The following LTBP1 variants were observed in gnomAD, a reference collection of about 807,000 sequenced individuals.
The protein encoded by LTBP1 is latent-transforming growth factor beta-binding protein 1.
A neutral mutation model predicts 207.6 loss-of-function variants in LTBP1; 129 were observed. The ratio of observed to expected loss-of-function variants is 0.62; its 90% CI spans 0.54 to 0.72. The LOEUF (loss-of-function observed/expected upper bound fraction) is 0.72. Among genes scored for constraint, LTBP1 ranks in the 30% least tolerant of loss-of-function variants. LTBP1 has a pLI of 0.00. For synonymous variants in LTBP1, 963 were observed against 833.7 expected, an observed-to-expected ratio of 1.16 and a Z score of -2.67; for missense variants, 2,281 against 2,217.2, an observed-to-expected ratio of 1.03 and a Z score of -0.58.
intron 3 of LTBP1, among the ~76,000 whole-genome samples, chr2:33,073,886 C>T (rs752594240): frequency 3.9e-5 from 6 of 152,216 alleles, no homozygotes; most frequent in Non-Finnish European, 8.8e-5. Flanking sequence ...CTCGGCCTCC[C>T]GAAGTGCTGG....
At position 33,252,665 on chromosome 2, in the gene LTBP1, T is replaced by C; in HGVS notation, c.2000-12T>C. The C allele has an allele frequency of 6.2e-7, 1 of 1,600,714 alleles. No homozygotes were observed. The highest frequency in any genetic ancestry group is 8.5e-7 in the Non-Finnish European group (1 of 1,170,468). On this transcript the variant is annotated splice_polypyrimidine_tract_variant and intron_variant, in intron 10 of 33. Coordinates refer to ENST00000404816, the MANE Select transcript of LTBP1 (RefSeq NM_206943.4). Reference sequence around the variant, plus strand: ...TTCTCATGTAATGTCGGGCTTTATCTCTCTGCTTCAGCTGATCCCCCTGTG... The same window carrying C: ...TTCTCATGTAATGTCGGGCTTTATCCCTCTGCTTCAGCTGATCCCCCTGTG...
chr2:33,137,576 T>G (rs6705263), intron 5 of LTBP1, among the ~76,000 whole-genome samples: 82,099 of 152,102 alleles, frequency 0.54, 22,940 homozygotes, highest in East Asian at 0.94. Context: ...GAATTTGGCT[T>G]GAGTGCCATT....
At chr2:33,368,385 A>G (rs144488203) in intron 31 of LTBP1, among the ~76,000 whole-genome samples, 89 of 152,278 alleles carry the variant, frequency 5.8e-4, no homozygotes, top group Non-Finnish European at 1.1e-3. Flanking sequence ...GGTTGATTCT[A>G]TCTCTTTGCT....
chr2:33,009,612 C>T (rs1687397577), intron 2 of LTBP1, among the ~76,000 whole-genome samples: 1 of 152,316 alleles, frequency 6.6e-6, no homozygotes, highest in South Asian at 2.1e-4. Context: ...GATTATCTTT[C>T]AGTCCTCAGG....
At chr2:33,360,538 G>A in intron 26 of LTBP1, 59 bp from the exon 27 acceptor site, 1 of 1,101,126 alleles carries the variant, frequency 9.1e-7, no homozygotes, top group South Asian at 1.4e-5. Flanking sequence ...TTCTCTACTT[G>A]TTGTCTTAGG....
At chr2:33,005,858 A>G (rs1035590558) in intron 2 of LTBP1, among the ~76,000 whole-genome samples, 1 of 152,100 alleles carries the variant, frequency 6.6e-6, no homozygotes, top group African/African-American at 2.4e-5. Flanking sequence ...GACTGTTAGG[A>G]TTACAGGCGT....
At chr2:33,388,231 A>G (rs1281816322) in intron 31 of LTBP1, among the ~76,000 whole-genome samples, 1 of 152,172 alleles carries the variant, frequency 6.6e-6, no homozygotes, top group East Asian at 1.9e-4. Flanking sequence ...AGGGGAGTCT[A>G]GGAGTCAGGG....
intron 2 of LTBP1, among the ~76,000 whole-genome samples, chr2:32,971,474 A>G (rs892568861): frequency 6.6e-6 from 1 of 151,906 alleles, no homozygotes; most frequent in Non-Finnish European, 1.5e-5. Flanking sequence ...TTCCATGCCT[A>G]GTTTATTGAG....
At chr2:33,236,027 G>C (rs924761570) in intron 9 of LTBP1, among the ~76,000 whole-genome samples, 2 of 152,098 alleles carry the variant, frequency 1.3e-5, no homozygotes, top group East Asian at 3.8e-4. Flanking sequence ...CATTCTGCAC[G>C]TGTATCCAAG....
At chr2:33,397,668 C>A (rs546685194) in intron 33 of LTBP1, among the ~76,000 whole-genome samples, 1 of 136,730 alleles carries the variant, frequency 7.3e-6, no homozygotes, top group Non-Finnish European at 1.6e-5. Flanking sequence ...CCACCACACC[C>A]GGCTAATTTT....
chr2:33,152,347 A>G (rs2083608506), intron 5 of LTBP1, among the ~76,000 whole-genome samples: 1 of 152,214 alleles, frequency 6.6e-6, no homozygotes, highest in South Asian at 2.1e-4. Context: ...AGGGAAATGC[A>G]AATCAAAACT....
chr2:33,276,228 C>T (rs151188177), intron 18 of LTBP1, among the ~76,000 whole-genome samples: 5 of 152,262 alleles, frequency 3.3e-5, no homozygotes, highest in Admixed American at 1.3e-4. Context: ...TTACAGAGTC[C>T]GGACCATTCA....
chr2:33,170,058 A>C (rs2085277572), intron 5 of LTBP1, among the ~76,000 whole-genome samples: 1 of 152,228 alleles, frequency 6.6e-6, no homozygotes, highest in Non-Finnish European at 1.5e-5. Flanking sequence ...TCTGGTCCAC[A>C]GCTCCCAGCG....
rs149812744 is a variant in LTBP1, at chr2:33,320,651, C to T, written c.3730+5382C>T. On this transcript the variant is annotated intron_variant, in intron 24 of 33. Coordinates refer to ENST00000404816, the MANE Select transcript of LTBP1 (RefSeq NM_206943.4). ...AGGTAAGGGAGCATGAGATGGCAGC[C>T]GAGGACTTTCTTGCAGCTGTCAACA... 1.3e-4 allele frequency among the ~76,000 whole-genome samples: 20 copies of T among 152,170 alleles called. No individual in the cohort carries two copies. In the East Asian group the frequency reaches 2.9e-3, roughly 22 times the overall value.
chr2:33,344,061 A>G (rs2094668346), intron 25 of LTBP1, among the ~76,000 whole-genome samples: 1 of 152,226 alleles, frequency 6.6e-6, no homozygotes, highest in Non-Finnish European at 1.5e-5. Context: ...TTTGCCATCC[A>G]TATTAAACTT....
intron 18 of LTBP1, among the ~76,000 whole-genome samples, chr2:33,277,381 G>A (rs144349195): frequency 9.1e-4 from 139 of 152,256 alleles, no homozygotes; most frequent in African/African-American, 3.2e-3. Context: ...ACTCTCCTCT[G>A]CTGAAGAGAT....
At chr2:33,244,242 T>G (rs2092433367) in intron 10 of LTBP1, among the ~76,000 whole-genome samples, 1 of 152,216 alleles carries the variant, frequency 6.6e-6, no homozygotes, top group South Asian at 2.1e-4. Context: ...GAGGTTTCAC[T>G]TCTTTCTCAA....
rs1308144243 is a variant in LTBP1 at position 33,275,758 on chromosome 2, T to C, written c.2870-43T>C. On this transcript the variant is annotated intron_variant, in intron 17 of 33. Coordinates refer to ENST00000404816, the MANE Select transcript of LTBP1 (RefSeq NM_206943.4). ...GGGAGATGGGAGAGGTTTGAAACAGTATTTGGAACACAAAACTCAACAATG... is the reference window on the plus strand; with the variant it reads ...GGGAGATGGGAGAGGTTTGAAACAGCATTTGGAACACAAAACTCAACAATG... 1.9e-6 allele frequency: 3 copies of C among 1,611,986 alleles called. No individual in the cohort carries two copies. The East Asian group carries it at 6.7e-5, about 36-fold the overall frequency.
intron 4 of LTBP1, among the ~76,000 whole-genome samples, chr2:33,129,382 A>T (rs13427151): frequency 0.035 from 5,293 of 152,236 alleles, 288 homozygotes; most frequent in African/African-American, 0.12. Context: ...AGAGGCAGCA[A>T]CAGGGCACAC....
Sources: allele counts gnomAD v4.1 joint callset (sites outside exome capture counted in the v4.1 genomes callset), GRCh38; gene constraint gnomAD v4.1.1; transcripts MANE v1.5; gene names NCBI Gene and HGNC (gene_info 2026-07-23, HGNC 2026-07-21).